RPS6KA5: variants seen among roughly 807,000 people sequenced by gnomAD.
RPS6KA5 encodes the protein ribosomal protein S6 kinase A5, also known as ribosomal protein S6 kinase alpha-5.
In RPS6KA5, 27 loss-of-function variants were observed where a neutral mutation model predicts 85.5. That is an observed-to-expected ratio of 0.32 (90% confidence interval 0.23 to 0.44). The LOEUF (loss-of-function observed/expected upper bound fraction) is 0.44, where lower values mean the gene tolerates loss of function less well. RPS6KA5 is among the 20% of genes least tolerant of loss of function. The pLI is 1.00. For synonymous variants in RPS6KA5, 334 were observed against 348.2 expected (o/e 0.96, Z 0.46); for missense variants, 811 against 980.9 (o/e 0.83, Z 2.31).
At chr14:91,059,962 C>A in intron 1 of RPS6KA5, 1 of 903,644 alleles carries the variant, frequency 1.1e-6, no homozygotes, top group Non-Finnish European at 1.3e-6. Flanking sequence ...CCGCTCGCCC[C>A]ACGCGGAGGC....
At chr14:90,876,248 C>A (rs1446234601) in intron 14 of RPS6KA5, among the ~76,000 whole-genome samples, 2 of 152,152 alleles carry the variant, frequency 1.3e-5, no homozygotes, top group Non-Finnish European at 2.9e-5. Flanking sequence ...AGAGAGATAG[C>A]AGAACTCCTG....
At chr14:90,875,425 C>T (rs2033395046) in intron 14 of RPS6KA5, 65 bp from the exon 15 acceptor site, 2 of 1,428,134 alleles carry the variant, frequency 1.4e-6, no homozygotes, top group African/African-American at 2.9e-5. Context: ...TCTAATAATC[C>T]TAATAGTAAC....
chr14:91,020,841 A>C (rs1266548987), intron 1 of RPS6KA5, among the ~76,000 whole-genome samples: 1 of 151,958 alleles, frequency 6.6e-6, no homozygotes, highest in Non-Finnish European at 1.5e-5. Context: ...TCTGTCTTTT[A>C]GGACTGACTT....
Position 90,914,318 on chromosome 14 carries a change from T to TG in RPS6KA5, c.806+5887_806+5888insC, listed in dbSNP as rs537741776. ...AAGAATGATCCCTAGGGTTTTTTTT[T>TG]TTTTTTTTTTTTTGAGATGGAGTTT... is the stretch of plus-strand genomic sequence containing the variant. On this transcript the variant is annotated intron_variant, in intron 7 of 16. Transcript: ENST00000614987. Among the ~76,000 whole-genome samples the TG allele has an allele frequency of 4.3e-3, 608 of 142,092 alleles. 5 individuals carry two copies. The highest frequency in any genetic ancestry group is 0.015 in the African/African-American group (581 of 37,802). 93.2% of individuals were successfully genotyped at this position (142,092 alleles called of 152,430 possible). A position where few individuals can be genotyped will look rare whatever the true frequency, so the allele number is the denominator to read the frequency against.
chr14:90,954,194 T>C (rs2038381962), intron 3 of RPS6KA5, among the ~76,000 whole-genome samples: 1 of 152,338 alleles, frequency 6.6e-6, no homozygotes, highest in South Asian at 2.1e-4. Context: ...TACATTGAAA[T>C]ATTGGGGACA....
At chr14:90,986,372 C>T (rs1485684510) in intron 2 of RPS6KA5, among the ~76,000 whole-genome samples, 3 of 151,868 alleles carry the variant, frequency 2.0e-5, no homozygotes, top group East Asian at 1.9e-4. Context: ...GAAATGGTGA[C>T]TTGGTCATCC....
chr14:90,922,106 A>G (rs1356214502), intron 6 of RPS6KA5, among the ~76,000 whole-genome samples: 1 of 152,160 alleles, frequency 6.6e-6, no homozygotes, highest in Non-Finnish European at 1.5e-5. Context: ...TCTTTCACCA[A>G]GGGTTGTTAA....
Position 90,899,310 on chromosome 14 carries a change from A to AAG in RPS6KA5, c.1473+18_1473+19insCT, listed in dbSNP as rs2140224421. 3 of 1,551,352 alleles carry AAG rather than the reference A, an allele frequency of 1.9e-6. No homozygotes were observed. In the East Asian group the frequency reaches 6.7e-5, roughly 35 times the overall value. On this transcript the variant is annotated intron_variant, in intron 12 of 16. Coordinates refer to ENST00000614987, the MANE Select transcript of RPS6KA5 (RefSeq NM_004755.4). The stretch of plus-strand genomic sequence containing the variant: ...TGAATTAGTACACATGGGAAAAAAA[A>AAG]AAAAAAAAAGTAGGATACCTGATCA...
rs540935719 is a variant in RPS6KA5, at chr14:90,868,826, A to T, written c.*3248T>A. The T allele has an allele frequency of 6.6e-6, 1 of 152,330 alleles. No individual in the cohort carries two copies. The highest frequency in any genetic ancestry group is 6.5e-5 in the Admixed American group (1 of 15,304). The allele number at this position is 152,330 out of a possible 1,614,324, so 9.4% of individuals were successfully genotyped here. On this transcript the variant is annotated 3_prime_UTR_variant, in exon 17 of 17. Coordinates refer to ENST00000614987, the MANE Select transcript of RPS6KA5 (RefSeq NM_004755.4). ...CTTTAAAAAAAGTGACTTCTATCTT[A>T]GTAGATTTCTTTAAAATAACTTACC...
chr14:90,953,647 T>G (rs568825498), intron 3 of RPS6KA5, among the ~76,000 whole-genome samples: 1 of 152,242 alleles, frequency 6.6e-6, no homozygotes, highest in East Asian at 1.9e-4. Flanking sequence ...ATATTAGTAA[T>G]TAATACCCTG....
chr14:91,001,752 C>G (rs780821773), intron 1 of RPS6KA5, among the ~76,000 whole-genome samples: 2 of 152,140 alleles, frequency 1.3e-5, no homozygotes, highest in Non-Finnish European at 2.9e-5. Context: ...AATATAAACT[C>G]TTCAAAGATA....
rs1263627184 is a variant in RPS6KA5, at chr14:90,857,987, C to T, written c.*14087G>A. ...CCATGTGACAACCAAGTTATCAATG[C>T]CAGAAGCCACTGCGGAGAAATCAAC... On this transcript the variant is annotated 3_prime_UTR_variant, in exon 17 of 17. Transcript: ENST00000614987. The T allele has an allele frequency of 1.3e-5, 2 of 152,134 alleles. No homozygotes were observed. Among genetic ancestry groups the T allele is most frequent in the Non-Finnish European group, 1.5e-5 (1 of 68,026 alleles). The allele number at this position is 152,134 out of a possible 1,614,324, so 9.4% of individuals were successfully genotyped here.
rs2032302804 is a variant in RPS6KA5, at chr14:90,856,684, T to TA, written c.*15389dup. 6.6e-6 allele frequency: 1 copy of TA among 152,200 alleles called. No individual in the cohort carries two copies. The highest frequency in any genetic ancestry group is 2.4e-5 in the African/African-American group (1 of 41,432). The allele number at this position is 152,200 out of a possible 1,614,324, so 9.4% of individuals were successfully genotyped here. A position where few individuals can be genotyped will look rare whatever the true frequency, so the allele number is the denominator to read the frequency against. On this transcript the variant is annotated 3_prime_UTR_variant, in exon 17 of 17. Transcript: ENST00000614987. ...GGCCTGTGTGTGATTTTTTAAAATATAAGATAAAATTCATTTTAAGTGTAC... is the reference window on the plus strand; with the variant it reads ...GGCCTGTGTGTGATTTTTTAAAATATAAAGATAAAATTCATTTTAAGTGTAC...
intron 3 of RPS6KA5, among the ~76,000 whole-genome samples, chr14:90,967,435 C>A (rs1555369845): frequency 6.6e-6 from 1 of 152,096 alleles, no homozygotes; most frequent in South Asian, 2.1e-4. Flanking sequence ...TATTTACAGG[C>A]ATCAGTTACA....
chr14:90,904,683 CTAT>C (rs2035404870), intron 8 of RPS6KA5, among the ~76,000 whole-genome samples: 1 of 152,284 alleles, frequency 6.6e-6, no homozygotes, highest in East Asian at 1.9e-4. Flanking sequence ...AAATGGAATG[CTAT>C]TATGATCCTT....
rs1350698021 is a variant in RPS6KA5, at chr14:90,865,681, T to G, written c.*6393A>C. On this transcript the variant is annotated 3_prime_UTR_variant, in exon 17 of 17. Transcript: ENST00000614987. The stretch of plus-strand genomic sequence containing the variant: ...TGGACTGGTCTCTGGCCACTGGATG[T>G]CAGTGTTTGGAGCAGTGGGCAGCAG... 1 of 152,234 alleles carries G rather than the reference T, an allele frequency of 6.6e-6. No homozygotes were observed. The highest frequency in any genetic ancestry group is 6.5e-5 in the Admixed American group (1 of 15,282). The allele number at this position is 152,234 out of a possible 1,614,324, so 9.4% of individuals were successfully genotyped here.
At chr14:90,956,534 C>CA (rs1186788245) in intron 3 of RPS6KA5, among the ~76,000 whole-genome samples, 5 of 152,060 alleles carry the variant, frequency 3.3e-5, no homozygotes, top group African/African-American at 1.2e-4. Flanking sequence ...ATAATATCTG[C>CA]AATTTTACTT....
At chr14:91,057,999 T>C (rs1382245258) in intron 1 of RPS6KA5, among the ~76,000 whole-genome samples, 1 of 152,206 alleles carries the variant, frequency 6.6e-6, no homozygotes, top group African/African-American at 2.4e-5. Context: ...TACAATAAAG[T>C]GTTCTGCACA....
chr14:90,938,068 T>C lies in RPS6KA5; in HGVS notation c.618+5010A>G, dbSNP rs2037369720. ...TGAGCCTCTAAAATCAAAAGCAAGT[T>C]AGTTACTTCTTAGACACAACAGGAG... is the stretch of plus-strand genomic sequence containing the variant. On this transcript the variant is annotated intron_variant, in intron 5 of 16. Coordinates refer to ENST00000614987, the MANE Select transcript of RPS6KA5 (RefSeq NM_004755.4). Among the ~76,000 whole-genome samples, 2 of 152,136 alleles carry C rather than the reference T, an allele frequency of 1.3e-5. 1 individual carries two copies. The highest frequency in any genetic ancestry group is 4.1e-4 in the South Asian group (2 of 4,830).
Sources: allele counts gnomAD v4.1 joint callset (sites outside exome capture counted in the v4.1 genomes callset), GRCh38; gene constraint gnomAD v4.1.1; transcripts MANE v1.5; gene names NCBI Gene and HGNC (gene_info 2026-07-23, HGNC 2026-07-21).